Variants in PCDHA10 observed in about 807,000 individuals in gnomAD.
PCDHA10 encodes protocadherin alpha-10.
Under a neutral mutation model 61.2 loss-of-function variants are expected in PCDHA10, and 45 were observed. The observed-to-expected ratio is 0.74, with a 90% confidence interval of 0.58 to 0.94. The LOEUF is 0.94. PCDHA10 is among the 40% of genes least tolerant of loss of function. The pLI is 0.00. For missense variants in PCDHA10, 1,278 were observed against 1,236.2 expected, an observed-to-expected ratio of 1.03 and a Z score of -0.51; for synonymous variants, 602 against 548.8, an observed-to-expected ratio of 1.10 and a Z score of -1.35.
Position 140,857,465 on chromosome 5 carries a change from ATCT to A in PCDHA10, c.1420_1422del (p.Phe474del). On this transcript the variant is annotated inframe_deletion, in exon 1 of 4. Transcript: ENST00000307360. ...GGAGAACAACCCGCCAGGCTGCCAC[ATCT>A]TCACGGTGTCTGCGTGGGACGCGGA... is the stretch of plus-strand genomic sequence containing the variant. 1 of 1,598,478 alleles carries A rather than the reference ATCT, an allele frequency of 6.3e-7. No homozygotes were observed. Among genetic ancestry groups the A allele is most frequent in the Non-Finnish European group, 8.6e-7 (1 of 1,167,860 alleles).
chr5:141,010,034 A>G lies in PCDHA10; in HGVS notation c.*97A>G. On this transcript the variant is annotated 3_prime_UTR_variant, in exon 4 of 4. Transcript: ENST00000307360. Reference sequence around the variant, plus strand: ...CCTGCTCCTTTTTCCTATCTACATGAGCCCTCTTAGAGACCTCAGAAATCT... The same window carrying G: ...CCTGCTCCTTTTTCCTATCTACATGGGCCCTCTTAGAGACCTCAGAAATCT... 6.3e-7 allele frequency: 1 copy of G among 1,582,208 alleles called. No individual in the cohort carries two copies.
At chr5:140,908,662 G>C (rs1489476593) in intron 1 of PCDHA10, among the ~76,000 whole-genome samples, 4 of 152,114 alleles carry the variant, frequency 2.6e-5, no homozygotes, top group Non-Finnish European at 4.4e-5. Context: ...CCTGCCAAAG[G>C]CTCCAAATAG....
intron 1 of PCDHA10, chr5:140,875,559 C>A (rs1554167755): frequency 6.2e-7 from 1 of 1,614,138 alleles, no homozygotes; most frequent in Admixed American, 1.7e-5. Flanking sequence ...TGGGGAGCGG[C>A]CAGCTCCACT....
At chr5:140,988,756 A>G (rs577332845) in intron 3 of PCDHA10, among the ~76,000 whole-genome samples, 170 of 152,318 alleles carry the variant, frequency 1.1e-3, no homozygotes, top group African/African-American at 4.0e-3. Flanking sequence ...TGGCCTGGGC[A>G]GAATACAGTC....
At chr5:140,990,981 A>G (rs1554251870) in intron 3 of PCDHA10, among the ~76,000 whole-genome samples, 1 of 152,206 alleles carries the variant, frequency 6.6e-6, no homozygotes, top group Non-Finnish European at 1.5e-5. Context: ...AGAAAGGAAG[A>G]CAATAGCTAC....
At chr5:140,871,934 C>T (rs2053394158) in intron 1 of PCDHA10, among the ~76,000 whole-genome samples, 1 of 152,222 alleles carries the variant, frequency 6.6e-6, no homozygotes, top group Non-Finnish European at 1.5e-5. Flanking sequence ...GTTAGATCAA[C>T]TGGCTTTGTT....
Position 140,857,081 on chromosome 5 carries a change from A to G in PCDHA10, c.1033A>G (p.Asn345Asp). Reference sequence around the variant, plus strand: ...AGTGGAACTACTGGATGAAAATGATAATTCACCTGAGGTGATTGTCACTTC... The same window carrying G: ...AGTGGAACTACTGGATGAAAATGATGATTCACCTGAGGTGATTGTCACTTC... ...VLVELLDEND[N>D]SPEVIVTSLS... Residue 345 changes from asparagine (N) to aspartate (D), a missense_variant, in exon 1 of 4, where the codon AAT (asparagine) becomes GAT (aspartate). Transcript: ENST00000307360. The G allele has an allele frequency of 6.3e-7, 1 of 1,597,048 alleles. No individual in the cohort carries two copies. The highest frequency in any genetic ancestry group is 1.3e-5 in the African/African-American group (1 of 74,308).
intron 3 of PCDHA10, among the ~76,000 whole-genome samples, chr5:140,985,239 A>C (rs2097143502): frequency 6.6e-6 from 1 of 152,008 alleles, no homozygotes; most frequent in South Asian, 2.1e-4. Flanking sequence ...GCCTGGCCTA[A>C]TCTTCTTACT....
At chr5:140,919,713 G>C (rs1370532221) in intron 1 of PCDHA10, among the ~76,000 whole-genome samples, 1 of 152,096 alleles carries the variant, frequency 6.6e-6, no homozygotes, top group African/African-American at 2.4e-5. Context: ...ATTCTAGTGA[G>C]ATATAAATAT....
At chr5:140,871,624 A>C in intron 1 of PCDHA10, 2 of 1,409,596 alleles carry the variant, frequency 1.4e-6, no homozygotes, top group Non-Finnish European at 9.4e-7. Context: ...TTTAGATAAC[A>C]ATGTCTGTTC....
At chr5:140,997,091 G>A (rs73268064) in intron 3 of PCDHA10, among the ~76,000 whole-genome samples, 546 of 152,154 alleles carry the variant, frequency 3.6e-3, no homozygotes, top group Middle Eastern at 0.014. Flanking sequence ...AGAAAGTGCA[G>A]AGTTCTCATG....
intron 3 of PCDHA10, among the ~76,000 whole-genome samples, chr5:140,985,090 A>C (rs1214396432): frequency 6.6e-6 from 1 of 152,076 alleles, no homozygotes; most frequent in Non-Finnish European, 1.5e-5. Context: ...GGCGTGTGCC[A>C]CCAAGCCTGG....
intron 1 of PCDHA10, among the ~76,000 whole-genome samples, chr5:140,941,198 TC>T (rs2092794663): frequency 1.7e-5 from 2 of 119,812 alleles, no homozygotes; most frequent in African/African-American, 6.9e-5. Context: ...TTTTTTTCTT[TC>T]TTCCTTTCTT....
At chr5:140,922,927 T>C (rs1257564815) in intron 1 of PCDHA10, among the ~76,000 whole-genome samples, 1 of 152,214 alleles carries the variant, frequency 6.6e-6, no homozygotes, top group Non-Finnish European at 1.5e-5. Flanking sequence ...TTCAGACTTT[T>C]ACTTCCAGCA....
intron 1 of PCDHA10, among the ~76,000 whole-genome samples, chr5:140,902,795 A>G (rs555172255): frequency 6.8e-4 from 103 of 151,862 alleles, no homozygotes; most frequent in African/African-American, 2.3e-3. Context: ...TCTCACTTGT[A>G]TGTGAGAATA....
intron 1 of PCDHA10, among the ~76,000 whole-genome samples, chr5:140,953,120 C>T (rs2094851215): frequency 6.6e-6 from 1 of 152,154 alleles, no homozygotes; most frequent in South Asian, 2.1e-4. Context: ...GGACACAGAT[C>T]TAAACCGTAT....
At chr5:140,934,563 T>A (rs1017456946) in intron 1 of PCDHA10, among the ~76,000 whole-genome samples, 1 of 152,212 alleles carries the variant, frequency 6.6e-6, no homozygotes, top group African/African-American at 2.4e-5. Flanking sequence ...TTCTTTTTTT[T>A]AATTAATTGT....
rs1458420006 is a variant in PCDHA10 at position 140,928,100 on chromosome 5, T to A, written c.2389-50849T>A. On this transcript the variant is annotated intron_variant, in intron 1 of 3. Transcript: ENST00000307360. Reference sequence around the variant, plus strand: ...TACAGCCTGCTGATTGATGGGCCCCTGGACCGGGAGCAGATCAGTGAATAC... The same window carrying A: ...TACAGCCTGCTGATTGATGGGCCCCAGGACCGGGAGCAGATCAGTGAATAC... 2.3e-5 allele frequency: 37 copies of A among 1,614,090 alleles called. No individual in the cohort carries two copies. Among genetic ancestry groups the A allele is most frequent in the Non-Finnish European group, 2.9e-5 (34 of 1,180,048 alleles).
At chr5:140,886,599 G>A (rs1370842751) in intron 1 of PCDHA10, among the ~76,000 whole-genome samples, 1 of 151,940 alleles carries the variant, frequency 6.6e-6, no homozygotes, top group African/African-American at 2.4e-5. Flanking sequence ...AGGCCAAGGT[G>A]GGCGGATCAG....
Sources: allele counts gnomAD v4.1 joint callset (sites outside exome capture counted in the v4.1 genomes callset), GRCh38; gene constraint gnomAD v4.1.1; transcripts MANE v1.5; gene names NCBI Gene and HGNC (gene_info 2026-07-23, HGNC 2026-07-21).